The following YTHDC1 variants were observed in gnomAD, a reference collection of about 807,000 sequenced individuals.
The protein encoded by YTHDC1 is YTH domain-containing protein 1.
In YTHDC1, 12 loss-of-function variants were observed where a neutral mutation model predicts 107.0. The ratio of observed to expected loss-of-function variants is 0.11; its 90% confidence interval spans 0.07 to 0.18. The LOEUF is 0.18. YTHDC1 is among the 10% of genes least tolerant of loss of function. The probability of loss-of-function intolerance (pLI) is 1.00; values close to 1 mark genes in which losing one functional copy is unlikely to be tolerated. For missense variants in YTHDC1, 635 were observed against 898.8 expected (o/e 0.71, Z 3.75); for synonymous variants, 280 against 289.5 (o/e 0.97, Z 0.33).
intron 10 of YTHDC1, among the ~76,000 whole-genome samples, chr4:68,323,485 T>C (rs999454193): frequency 6.6e-5 from 10 of 152,220 alleles, no homozygotes; most frequent in Admixed American, 6.5e-4. Context: ...TCCAGCACTT[T>C]GGGAGCCCCA....
rs1725881908 is a variant in YTHDC1 at position 68,349,720 on chromosome 4, A to G, written c.28+6T>C. 4 of 1,602,468 alleles carry G rather than the reference A, an allele frequency of 2.5e-6. No homozygotes were observed. The East Asian group carries it at 9.0e-5, about 36-fold the overall frequency. ...GCCTCGGCCCGTCATCTTTCTCCGC[A>G]CTAACCTTTCTCCTCCCGACTGTCA... On this transcript the variant is annotated splice_donor_region_variant and intron_variant, in intron 1 of 16. Transcript: ENST00000344157.
intron 1 of YTHDC1, among the ~76,000 whole-genome samples, chr4:68,343,065 G>A (rs1725023977): frequency 6.6e-6 from 1 of 152,088 alleles, no homozygotes; most frequent in African/African-American, 2.4e-5. Flanking sequence ...AGAAATGCCA[G>A]GTTAAGAAAA....
intron 10 of YTHDC1, among the ~76,000 whole-genome samples, chr4:68,323,855 A>C (rs564293709): frequency 6.6e-6 from 1 of 152,234 alleles, no homozygotes; most frequent in African/African-American, 2.4e-5. Context: ...TCTGTTAAAC[A>C]GTGATAATAT....
chr4:68,324,190 G>A lies in YTHDC1; in HGVS notation c.1383C>T (p.Leu461=). 2 of 1,614,002 alleles carry A rather than the reference G, an allele frequency of 1.2e-6. No homozygotes were observed. Among genetic ancestry groups the A allele is most frequent in the Admixed American group, 1.7e-5 (1 of 60,010 alleles). Residue 461 remains leucine (L), a synonymous_variant, in exon 10 of 17, where the codon CTC becomes CTT. Coordinates refer to ENST00000344157, the MANE Select transcript of YTHDC1 (RefSeq NM_001031732.4). ...GTTTATGTTCATTCCAAGGATTGGT[G>A]AGATGAGCCGACTTAGTGAAGGGTA... The part of the protein sequence containing the change: ...RELPFTKSAH[L]TNPWNEHKPV...
In YTHDC1 at chr4:68,320,144, G is replaced by A. The variant is rs1262479602; in HGVS notation, c.1663C>T (p.Pro555Ser). The change falls in exon 12 of 17, where the codon CCT becomes TCT. Residue 555 changes from proline (P) to serine (S), a missense_variant. Pro to Ser is a moderately conservative substitution (Grantham distance 74). Coordinates refer to ENST00000344157, the MANE Select transcript of YTHDC1 (RefSeq NM_001031732.4). ...SRKKPRIDYP[P>S]EFHQRPGYLK... ...TAACCTGGTCTCTGGTGAAACTCAG[G>A]GGGATAGTCAATCCTTGGTTTCTTT... 6.2e-7 allele frequency: 1 copy of A among 1,608,178 alleles called. No homozygotes were observed. Among genetic ancestry groups the A allele is most frequent in the East Asian group, 2.2e-5 (1 of 44,634 alleles).
chr4:68,318,735 G>T lies in YTHDC1; in HGVS notation c.1722-6C>A. On this transcript the variant is annotated splice_region_variant and splice_polypyrimidine_tract_variant and intron_variant, in intron 13 of 16. Transcript: ENST00000344157. ...GGCGAACTCCTGAAAATCGTCTGTT[G>T]GGAATAAGATTTGTGAAACTAAATT... The T allele has an allele frequency of 6.2e-7, 1 of 1,614,018 alleles. No homozygotes were observed. The highest frequency in any genetic ancestry group is 8.5e-7 in the Non-Finnish European group (1 of 1,179,990).
intron 9 of YTHDC1, among the ~76,000 whole-genome samples, chr4:68,326,261 C>A (rs1255686056): frequency 1.3e-5 from 2 of 152,124 alleles, no homozygotes; most frequent in African/African-American, 4.8e-5. Context: ...CTGGTTCCAA[C>A]TAGATTCAAG....
At chr4:68,349,540 C>A (rs541839888) in intron 1 of YTHDC1, among the ~76,000 whole-genome samples, 186 bp downstream of exon 1, 1 of 152,128 alleles carries the variant, frequency 6.6e-6, no homozygotes, top group Admixed American at 6.5e-5. Flanking sequence ...CATATGGAGA[C>A]TGAGGACGAA....
intron 15 of YTHDC1, among the ~76,000 whole-genome samples, chr4:68,316,985 G>A (rs1721930768): frequency 6.6e-6 from 1 of 152,128 alleles, no homozygotes; most frequent in Non-Finnish European, 1.5e-5. Context: ...ATATCCCAGT[G>A]CTTTGGGAGG....
Position 68,323,335 on chromosome 4 carries a change from G to A in YTHDC1, c.1435-420C>T, listed in dbSNP as rs79454882. Among the ~76,000 whole-genome samples the A allele has an allele frequency of 0.013, 2,039 of 152,292 alleles. 145 individuals carry two copies. The East Asian group carries it at 0.21, about 16-fold the overall frequency. On this transcript the variant is annotated intron_variant, in intron 10 of 16. Coordinates refer to ENST00000344157, the MANE Select transcript of YTHDC1 (RefSeq NM_001031732.4). Reference sequence around the variant, plus strand: ...TGAAATACATTAGATTTACCACAAAGGCAGACCAATCTATGGGCTCTTTAA... The same window carrying A: ...TGAAATACATTAGATTTACCACAAAAGCAGACCAATCTATGGGCTCTTTAA...
intron 1 of YTHDC1, among the ~76,000 whole-genome samples, chr4:68,346,096 T>TATATATATATATATAC (rs1230266568): frequency 1.8e-4 from 25 of 140,408 alleles, no homozygotes; most frequent in African/African-American, 6.7e-4. Context: ...TATATATATA[T>TATATATATATATATAC]ATATACACAC....
chr4:68,344,902 G>A (rs62316050), intron 1 of YTHDC1, among the ~76,000 whole-genome samples: 1 of 152,060 alleles, frequency 6.6e-6, no homozygotes, highest in East Asian at 1.9e-4. Context: ...GGTGTGCACC[G>A]CACCTGTAGT....
intron 8 of YTHDC1, 28 bp from the exon 9 acceptor site, chr4:68,330,147 T>C (rs1374508823): frequency 2.5e-6 from 4 of 1,586,492 alleles, no homozygotes; most frequent in Non-Finnish European, 3.4e-6. Flanking sequence ...TAATATAATA[T>C]GTAGATGCTA....
intron 4 of YTHDC1, 122 bp from the exon 5 acceptor site, chr4:68,333,519 T>G: frequency 1.7e-6 from 1 of 593,258 alleles, no homozygotes; most frequent in Non-Finnish European, 2.9e-6. Context: ...TGTGCTCCTC[T>G]CTCCTGATCC....
intron 1 of YTHDC1, among the ~76,000 whole-genome samples, chr4:68,346,991 A>AC (rs1725519757): frequency 6.6e-6 from 1 of 151,940 alleles, no homozygotes; most frequent in South Asian, 2.1e-4. Context: ...TGTATAACTT[A>AC]AACTGAGAAA....
In YTHDC1 at chr4:68,322,097, A is replaced by C. The variant is rs895704812; in HGVS notation, c.1601+652T>G. ...GTTTGTTGCCGGGTCTCCCAGGGCC[A>C]CTTGATCCCCTTTGGAAAGAACCTA... is the stretch of plus-strand genomic sequence containing the variant. On this transcript the variant is annotated intron_variant, in intron 11 of 16. Coordinates refer to ENST00000344157, the MANE Select transcript of YTHDC1 (RefSeq NM_001031732.4). The surrounding 1 kb of genome is among the most constrained non-coding windows in gnomAD (Gnocchi z 4.8). Among the ~76,000 whole-genome samples the C allele has an allele frequency of 6.6e-6, 1 of 152,196 alleles. No individual in the cohort carries two copies. Among genetic ancestry groups the C allele is most frequent in the East Asian group, 1.9e-4 (1 of 5,200 alleles).
intron 9 of YTHDC1, among the ~76,000 whole-genome samples, chr4:68,324,941 T>C (rs578147845): frequency 6.6e-6 from 1 of 152,344 alleles, no homozygotes; most frequent in Admixed American, 6.5e-5. Flanking sequence ...TCTATTTTTA[T>C]AGTTCTTTGT....
chr4:68,336,692 C>T (rs1323196109), intron 4 of YTHDC1, among the ~76,000 whole-genome samples: 5 of 152,158 alleles, frequency 3.3e-5, no homozygotes, highest in African/African-American at 1.2e-4. Flanking sequence ...TATGAATATA[C>T]TTCAAGTACA....
rs528816498 is a variant in YTHDC1, at chr4:68,335,560, TTAAG to T, written c.883+1463_883+1466del. ...AAATGCAATTTCTGGTCCTACCCAT[TTAAG>T]TAAGTTCCCTTTGTTTAATGTAAAC... On this transcript the variant is annotated intron_variant, in intron 4 of 16. Transcript: ENST00000344157. Among the ~76,000 whole-genome samples, 234 of 152,212 alleles carry T rather than the reference TTAAG, an allele frequency of 1.5e-3. 1 individual carries two copies. Among genetic ancestry groups the T allele is most frequent in the African/African-American group, 5.5e-3 (228 of 41,544 alleles).
Sources: gnomAD v4.1 joint callset for allele counts (sites outside exome capture counted in the v4.1 genomes callset) on GRCh38, gnomAD v4.1.1 for gene constraint, Gnocchi (gnomAD v3.1) non-coding constraint, MANE v1.5 for transcripts, NCBI Gene and HGNC (gene_info 2026-07-23, HGNC 2026-07-21) for gene names.